CNTNAP3: variants seen among roughly 807,000 people sequenced by gnomAD.
The protein encoded by CNTNAP3 is contactin-associated protein-like 3.
A neutral mutation model predicts 92.1 loss-of-function variants in CNTNAP3; 36 were observed. The observed-to-expected ratio is 0.39, with a 90% CI of 0.30 to 0.52. The LOEUF is 0.52. CNTNAP3 is among the 20% of genes least tolerant of loss of function. The probability of loss-of-function intolerance (pLI) is 0.76; values close to 1 mark genes in which losing one functional copy is unlikely to be tolerated. For missense variants in CNTNAP3, 534 were observed against 1,069.6 expected (o/e 0.50, Z 6.98); for synonymous variants, 232 against 422.3 (o/e 0.55, Z 5.53).
rs892722054 is a variant in CNTNAP3 at position 39,072,343 on chromosome 9, C to T, written c.*1547G>A. ...GAAGAAATATACCATCTCATTAGTC[C>T]TTGGTAGGCAGTTGGTATCTGGAAT... On this transcript the variant is annotated 3_prime_UTR_variant, in exon 24 of 24. Transcript: ENST00000297668. Among the ~76,000 whole-genome samples the T allele has an allele frequency of 2.7e-5, 4 of 147,630 alleles. No homozygotes were observed. Among genetic ancestry groups the T allele is most frequent in the Admixed American group, 2.7e-4 (4 of 14,856 alleles).
intron 14 of CNTNAP3, among the ~76,000 whole-genome samples, chr9:39,111,745 G>A (rs867783159): frequency 6.6e-6 from 1 of 151,998 alleles, no homozygotes; most frequent in Non-Finnish European, 1.5e-5. Flanking sequence ...TATTTCACGG[G>A]AGCTCCAAGT....
chr9:39,084,820 C>T (rs1826031139), intron 21 of CNTNAP3, among the ~76,000 whole-genome samples: 1 of 151,828 alleles, frequency 6.6e-6, no homozygotes. Flanking sequence ...TCTCTACCTC[C>T]AAGGACAGGC....
rs1406952801 is a variant in CNTNAP3 at position 39,214,075 on chromosome 9, C to T, written c.391-20800G>A. Among the ~76,000 whole-genome samples, 2 of 58,716 alleles carry T rather than the reference C, an allele frequency of 3.4e-5. 1 individual carries two copies. Among genetic ancestry groups the T allele is most frequent in the African/African-American group, 6.7e-5 (2 of 29,766 alleles). The allele number at this position is 58,716 out of a possible 152,430, so 38.5% of individuals were successfully genotyped here. A position where few individuals can be genotyped will look rare whatever the true frequency, so the allele number is the denominator to read the frequency against. The stretch of plus-strand genomic sequence containing the variant: ...TCAAGGCTCTGAAAGAAAGACAAGC[C>T]ATTTGATATGAATGATTAATAAGGA... On this transcript the variant is annotated intron_variant, in intron 3 of 23. Coordinates refer to ENST00000297668, the MANE Select transcript of CNTNAP3 (RefSeq NM_033655.5).
chr9:39,143,131 C>T (rs923381835), intron 11 of CNTNAP3, among the ~76,000 whole-genome samples: 1 of 151,068 alleles, frequency 6.6e-6, no homozygotes, highest in Admixed American at 6.6e-5. Context: ...CTAATTATAA[C>T]AGGTTAGAGG....
At chr9:39,088,212 A>G (rs565458506) in intron 19 of CNTNAP3, among the ~76,000 whole-genome samples, 41 of 151,952 alleles carry the variant, frequency 2.7e-4, no homozygotes, top group Non-Finnish European at 5.0e-4. Flanking sequence ...AAAATTATCA[A>G]ACATGTAATG....
chr9:39,094,725 C>T (rs1826289160), intron 18 of CNTNAP3, among the ~76,000 whole-genome samples: 1 of 151,638 alleles, frequency 6.6e-6, no homozygotes, highest in African/African-American at 2.4e-5. Context: ...TCATTCAGTG[C>T]CACATTGTTT....
intron 12 of CNTNAP3, among the ~76,000 whole-genome samples, chr9:39,139,224 C>A (rs1430735574): frequency 1.3e-5 from 2 of 152,046 alleles, no homozygotes; most frequent in East Asian, 3.9e-4. Flanking sequence ...CTTTTCTGAG[C>A]CTTGGTTTCC....
intron 14 of CNTNAP3, among the ~76,000 whole-genome samples, chr9:39,111,613 A>G (rs570805618): frequency 1.3e-5 from 2 of 152,290 alleles, no homozygotes; most frequent in East Asian, 3.9e-4. Flanking sequence ...ATTTTTTATT[A>G]ATGTGGTGGT....
chr9:39,108,744 C>A (rs375674668), intron 15 of CNTNAP3, among the ~76,000 whole-genome samples: 1 of 152,022 alleles, frequency 6.6e-6, no homozygotes, highest in Non-Finnish European at 1.5e-5. Flanking sequence ...ACATTCGGTG[C>A]CATGTAATGT....
At chr9:39,121,381 T>G (rs1487611139) in intron 13 of CNTNAP3, among the ~76,000 whole-genome samples, 1 of 151,932 alleles carries the variant, frequency 6.6e-6, no homozygotes, top group Non-Finnish European at 1.5e-5. Context: ...CTTAAAAAAA[T>G]GAGGCAAAAA....
chr9:39,086,645 T>C, intron 20 of CNTNAP3, 71 bp downstream of exon 20: 1 of 1,476,094 alleles, frequency 6.8e-7, no homozygotes, highest in African/African-American at 1.5e-5. Context: ...TATTATCAAA[T>C]TTTTTCATTA....
chr9:39,082,091 A>AAAAG (rs1372854791), intron 21 of CNTNAP3, among the ~76,000 whole-genome samples: 1 of 147,776 alleles, frequency 6.8e-6, no homozygotes, highest in Admixed American at 6.7e-5. Flanking sequence ...GATCTCAAAA[A>AAAAG]AAAAAAACAA....
In CNTNAP3 at chr9:39,144,227, G is replaced by A; in HGVS notation, c.1756+13C>T. ...AGATGCTGACAGAAACGAGAGGGAGGCGTGAGGCTTACAGGAATGGCAGGT... is the reference window on the plus strand; with the variant it reads ...AGATGCTGACAGAAACGAGAGGGAGACGTGAGGCTTACAGGAATGGCAGGT... On this transcript the variant is annotated intron_variant, in intron 11 of 23. Transcript: ENST00000297668. The A allele has an allele frequency of 3.1e-6, 5 of 1,589,630 alleles. No homozygotes were observed. The highest frequency in any genetic ancestry group is 4.3e-6 in the Non-Finnish European group (5 of 1,168,744).
At chr9:39,095,841 C>G (rs1296650391) in intron 18 of CNTNAP3, among the ~76,000 whole-genome samples, 1 of 150,244 alleles carries the variant, frequency 6.7e-6, no homozygotes, top group African/African-American at 2.4e-5. Flanking sequence ...CTACATAGCT[C>G]TATTTCTTCT....
At chr9:39,109,404 C>G in intron 14 of CNTNAP3, 117 bp from the exon 15 acceptor site, 1 of 1,471,536 alleles carries the variant, frequency 6.8e-7, no homozygotes, top group Non-Finnish European at 9.1e-7. Flanking sequence ...GAATACTTAA[C>G]ATTTTCAATA....
chr9:39,144,150 A>G, intron 11 of CNTNAP3, 90 bp downstream of exon 11: 1 of 1,401,692 alleles, frequency 7.1e-7, no homozygotes, highest in Non-Finnish European at 9.5e-7. Context: ...TGTTTGCATG[A>G]TTGCAAATAT....
At chr9:39,090,160 C>T (rs554363720) in intron 18 of CNTNAP3, among the ~76,000 whole-genome samples, 10 of 152,262 alleles carry the variant, frequency 6.6e-5, no homozygotes, top group African/African-American at 9.6e-5. Context: ...AGGATGGTCT[C>T]GAACTCCTGA....
At chr9:39,109,842 C>T (rs975111352) in intron 14 of CNTNAP3, among the ~76,000 whole-genome samples, 2 of 151,970 alleles carry the variant, frequency 1.3e-5, no homozygotes, top group African/African-American at 2.4e-5. Flanking sequence ...CTAAAATTGT[C>T]TTAGAATAAT....
intron 23 of CNTNAP3, among the ~76,000 whole-genome samples, chr9:39,076,081 C>G (rs1055982527): frequency 3.3e-5 from 5 of 152,308 alleles, no homozygotes; most frequent in Non-Finnish European, 7.3e-5. Flanking sequence ...CTCGTTCAGG[C>G]TAAGAATTTC....
Sources: gnomAD v4.1 joint callset for allele counts (sites outside exome capture counted in the v4.1 genomes callset) on GRCh38, gnomAD v4.1.1 for gene constraint, MANE v1.5 for transcripts, NCBI Gene and HGNC (gene_info 2026-07-23, HGNC 2026-07-21) for gene names.